NPTN: variants seen among roughly 807,000 people sequenced by gnomAD.
NPTN encodes neuroplastin.
In NPTN, 5 loss-of-function variants were observed where a neutral mutation model predicts 42.7. The observed-to-expected ratio is 0.12, with a 90% CI of 0.06 to 0.25. The LOEUF is 0.25. Among genes scored for constraint, NPTN ranks in the 10% least tolerant of loss-of-function variants. The probability of loss-of-function intolerance (pLI) is 1.00; values close to 1 mark genes in which losing one functional copy is unlikely to be tolerated. For missense variants in NPTN, 307 were observed against 525.4 expected (o/e 0.58, Z 4.06); for synonymous variants, 180 against 201.9 (o/e 0.89, Z 0.92).
chr15:73,568,718 C>T (rs1044010826), intron 6 of NPTN: 15 of 985,382 alleles, frequency 1.5e-5, no homozygotes, highest in Non-Finnish European at 1.6e-5. Context: ...TTGCAGAGGC[C>T]GTCTGCTCCC....
intron 6 of NPTN, chr15:73,568,291 T>C (rs1247291206): frequency 2.0e-6 from 2 of 985,356 alleles, no homozygotes; most frequent in Admixed American, 1.2e-4. Context: ...CTCTCACCAG[T>C]GGCAGCCAGC....
chr15:73,596,872 A>T (rs992254654), intron 2 of NPTN, 150 bp downstream of exon 2: 10 of 669,128 alleles, frequency 1.5e-5, no homozygotes, highest in Non-Finnish European at 2.3e-5. Context: ...CATACACTAC[A>T]ACCAGAAGGG....
Position 73,569,509 on chromosome 15 carries a change from TG to T in NPTN, c.1114+640del, listed in dbSNP as rs1246272227. The T allele has an allele frequency of 1.0e-6, 1 of 985,280 alleles. No homozygotes were observed. Among genetic ancestry groups the T allele is most frequent in the Non-Finnish European group, 1.2e-6 (1 of 829,924 alleles). 61.0% of individuals were successfully genotyped at this position (985,280 alleles called of 1,614,324 possible). A position where few individuals can be genotyped will look rare whatever the true frequency, so the allele number is the denominator to read the frequency against. ...TTTGCTATCTCTGTCTTACACTAGATGGGTGGATACATCAGACTCTCCTTTG... is the reference window on the plus strand; with the variant it reads ...TTTGCTATCTCTGTCTTACACTAGATGGTGGATACATCAGACTCTCCTTTG... On this transcript the variant is annotated intron_variant, in intron 6 of 8. Transcript: ENST00000345330. This position sits in a 1 kb window ranked among gnomAD's most constrained non-coding sequence, Gnocchi z 4.1.
chr15:73,589,254 C>T (rs1461587891), intron 3 of NPTN, among the ~76,000 whole-genome samples: 2 of 152,166 alleles, frequency 1.3e-5, no homozygotes, highest in East Asian at 3.9e-4. Flanking sequence ...ATCACTTGAA[C>T]CTGGGAGGTC....
chr15:73,606,768 A>C (rs959679684), intron 1 of NPTN, among the ~76,000 whole-genome samples: 1 of 152,236 alleles, frequency 6.6e-6, no homozygotes, highest in Non-Finnish European at 1.5e-5. Flanking sequence ...AAATGAAAAC[A>C]ATATACTAGA....
chr15:73,580,043 A>G (rs1440402357), intron 4 of NPTN, among the ~76,000 whole-genome samples: 1 of 152,162 alleles, frequency 6.6e-6, no homozygotes, highest in Non-Finnish European at 1.5e-5. Flanking sequence ...CAATTGATGA[A>G]GCAGACATTA....
Position 73,580,287 on chromosome 15 carries a change from T to C in NPTN, c.707-6492A>G, listed in dbSNP as rs1457240165. On this transcript the variant is annotated intron_variant, in intron 4 of 8. Transcript: ENST00000345330. ...ATGCATGTGGGGCTTAAAACCTAGA[T>C]GATGGGTTGATAGGTGCAGCAAATC... Among the ~76,000 whole-genome samples, 3 of 150,482 alleles carry C rather than the reference T, an allele frequency of 2.0e-5. 1 individual carries two copies. The highest frequency in any genetic ancestry group is 7.4e-5 in the African/African-American group (3 of 40,640).
Position 73,569,942 on chromosome 15 carries a change from G to T in NPTN, c.1114+208C>A. 2.5e-6 allele frequency: 1 copy of T among 392,376 alleles called. No individual in the cohort carries two copies. The highest frequency in any genetic ancestry group is 3.5e-6 in the Non-Finnish European group (1 of 288,454). 24.3% of individuals were successfully genotyped at this position (392,376 alleles called of 1,614,324 possible). Reference sequence around the variant, plus strand: ...AGAGAGCTAAGGACAGCTCTAGATGGCTAATGCAAAAAAAATAAAAATAAA... The same window carrying T: ...AGAGAGCTAAGGACAGCTCTAGATGTCTAATGCAAAAAAAATAAAAATAAA... On this transcript the variant is annotated intron_variant, in intron 6 of 8. Coordinates refer to ENST00000345330, the MANE Select transcript of NPTN (RefSeq NM_012428.4). This position sits in a 1 kb window ranked among gnomAD's most constrained non-coding sequence, Gnocchi z 4.1.
At chr15:73,598,422 T>C (rs563564041) in intron 1 of NPTN, among the ~76,000 whole-genome samples, 252 of 152,074 alleles carry the variant, frequency 1.7e-3, no homozygotes, top group Middle Eastern at 3.4e-3. Flanking sequence ...TGCCCATAAT[T>C]TGCTTGAGGT....
In NPTN at chr15:73,592,010, C is replaced by T. The variant is rs778985029; in HGVS notation, c.567G>A (p.Val189=). The T allele has an allele frequency of 3.7e-6, 6 of 1,613,886 alleles. No individual in the cohort carries two copies. The highest frequency in any genetic ancestry group is 4.2e-6 in the Non-Finnish European group (5 of 1,179,930). ...LTYSYWTKNG[V]ELSATRKNAS... ...CATTCTTACGAGTGGCACTCAGTTC[C>T]ACCCCATTCTTTGTCCAGTAGCTGT... Residue 189 remains valine, a synonymous_variant, in exon 3 of 9, where the codon GTG becomes GTA. Transcript: ENST00000345330.
chr15:73,585,576 A>G (rs1357702814), intron 4 of NPTN, among the ~76,000 whole-genome samples: 1 of 152,240 alleles, frequency 6.6e-6, no homozygotes, highest in Non-Finnish European at 1.5e-5. Flanking sequence ...CTGGGAAGAC[A>G]AGACATTAAA....
chr15:73,609,409 TCACCTGAGGTGG>T (rs146789674), intron 1 of NPTN, among the ~76,000 whole-genome samples: 7,519 of 152,220 alleles, frequency 0.049, 203 homozygotes, highest in South Asian at 0.093. Context: ...GGCAGGTGGA[TCACCTGAGGTGG>T]AGTTCAAGAG....
At chr15:73,588,584 T>C (rs1221854447) in intron 3 of NPTN, among the ~76,000 whole-genome samples, 3 of 152,152 alleles carry the variant, frequency 2.0e-5, no homozygotes, top group Non-Finnish European at 4.4e-5. Context: ...CTCTCTTCAG[T>C]TTTTCAATGC....
chr15:73,608,206 G>C (rs1297531686), intron 1 of NPTN, among the ~76,000 whole-genome samples: 3 of 152,168 alleles, frequency 2.0e-5, no homozygotes, highest in Non-Finnish European at 4.4e-5. Flanking sequence ...GTTTACCAAG[G>C]ACTGTGCACA....
intron 1 of NPTN, among the ~76,000 whole-genome samples, chr15:73,607,292 T>A (rs1400722851): frequency 6.6e-6 from 1 of 152,210 alleles, no homozygotes; most frequent in East Asian, 1.9e-4. Context: ...CAAAAGCTAA[T>A]CTTTGCCAAA....
intron 2 of NPTN, among the ~76,000 whole-genome samples, chr15:73,594,556 C>T (rs1007155567): frequency 3.9e-5 from 6 of 152,194 alleles, no homozygotes; most frequent in African/African-American, 9.7e-5. Flanking sequence ...AACAGTGCTA[C>T]ACCAAGTTCC....
intron 6 of NPTN, among the ~76,000 whole-genome samples, chr15:73,565,468 CATT>C (rs1339351093): frequency 6.6e-6 from 1 of 152,178 alleles, no homozygotes; most frequent in East Asian, 1.9e-4. Context: ...AAAGTGTTAA[CATT>C]ATGAACTGTG....
Position 73,575,535 on chromosome 15 carries a change from G to A in NPTN, c.707-1740C>T, listed in dbSNP as rs3803569. 6.6e-5 allele frequency among the ~76,000 whole-genome samples: 10 copies of A among 152,340 alleles called. 1 individual carries two copies. In the South Asian group the frequency reaches 8.3e-4, roughly 13 times the overall value. On this transcript the variant is annotated intron_variant, in intron 4 of 8. Transcript: ENST00000345330. ...CAATTCCAGTTTTGTTGGTTCTTTC[G>A]TTATTCTGGGCTTTGCTGCTACAGC...
intron 1 of NPTN, among the ~76,000 whole-genome samples, chr15:73,615,809 G>A (rs1016491988): frequency 6.6e-6 from 1 of 152,044 alleles, no homozygotes; most frequent in African/African-American, 2.4e-5. Context: ...AGTTCTTACT[G>A]ACAGATCTCC....
Sources: gnomAD v4.1 joint callset for allele counts (sites outside exome capture counted in the v4.1 genomes callset) on GRCh38, gnomAD v4.1.1 for gene constraint, Gnocchi (gnomAD v3.1) non-coding constraint, MANE v1.5 for transcripts, NCBI Gene and HGNC (gene_info 2026-07-23, HGNC 2026-07-21) for gene names.